Variants in MKLN1 observed in about 807,000 individuals in gnomAD.
MKLN1 encodes muskelin 1, also known as muskelin.
A neutral mutation model predicts 99.0 loss-of-function variants in MKLN1; 18 were observed. The ratio of observed to expected loss-of-function variants is 0.18; its 90% CI spans 0.13 to 0.27. The LOEUF (loss-of-function observed/expected upper bound fraction) is 0.27. MKLN1 is among the 10% of genes least tolerant of loss of function. MKLN1 has a pLI of 1.00. For synonymous variants in MKLN1, 288 were observed against 293.2 expected (o/e 0.98, Z 0.18); for missense variants, 621 against 875.9 (o/e 0.71, Z 3.67).
intron 2 of MKLN1, among the ~76,000 whole-genome samples, chr7:131,163,083 TA>T (rs1377668598): frequency 3.3e-5 from 5 of 152,312 alleles, no homozygotes; most frequent in Non-Finnish European, 5.9e-5. Context: ...CCTATGATCA[TA>T]CAGCTGTGGC....
rs114674159 is a variant in MKLN1, at chr7:131,111,931, C to T, written c.-419+1724C>T. Among the ~76,000 whole-genome samples the T allele has an allele frequency of 1.1e-3, 172 of 152,354 alleles. 1 individual carries two copies. The highest frequency in any genetic ancestry group is 3.8e-3 in the African/African-American group (156 of 41,578). ...AGAACACAGTGTGACTACAAGGCTA[C>T]ACTACAAATAGGAAACCCCATCACT... is the stretch of plus-strand genomic sequence containing the variant. On this transcript the variant is annotated intron_variant, in intron 1 of 7. Transcript: ENST00000416992.
rs151111784 is a variant in MKLN1, at chr7:131,253,805, G to A, written c.-179+50831G>A. On this transcript the variant is annotated intron_variant, in intron 3 of 7. Coordinates refer to the MKLN1 transcript ENST00000416992. ...GCTACAGAGAGTTCTTATAAACAAC[G>A]GAGAATTTAATGAAAAGCAAGTAAG... 2.0e-4 allele frequency among the ~76,000 whole-genome samples: 30 copies of A among 152,302 alleles called. 1 individual carries two copies. Among genetic ancestry groups the A allele is most frequent in the East Asian group, 5.8e-4 (3 of 5,186 alleles).
chr7:131,252,261 C>CCA (rs991571376), intron 3 of MKLN1, among the ~76,000 whole-genome samples: 2 of 151,850 alleles, frequency 1.3e-5, no homozygotes, highest in African/African-American at 4.8e-5. Flanking sequence ...GAAAATTGCT[C>CCA]CACTATAAAC....
At chr7:131,244,472 C>A (rs1245054066) in intron 3 of MKLN1, among the ~76,000 whole-genome samples, 2 of 152,108 alleles carry the variant, frequency 1.3e-5, no homozygotes, top group African/African-American at 4.8e-5. Context: ...TGAGTCAGCC[C>A]GTGACTCACC....
chr7:131,414,187 T>G (rs1038901415), intron 7 of MKLN1, among the ~76,000 whole-genome samples: 1 of 152,220 alleles, frequency 6.6e-6, no homozygotes, highest in Non-Finnish European at 1.5e-5. Flanking sequence ...ATCATTAATA[T>G]AAAACTTGAT....
intron 3 of MKLN1, among the ~76,000 whole-genome samples, chr7:131,213,856 T>C (rs1442316567): frequency 6.6e-6 from 1 of 152,230 alleles, no homozygotes; most frequent in East Asian, 1.9e-4. Flanking sequence ...TACTAACACA[T>C]GGATGGTTTT....
intron 3 of MKLN1, among the ~76,000 whole-genome samples, chr7:131,235,176 C>G (rs1797300895): frequency 6.6e-6 from 1 of 152,054 alleles, no homozygotes; most frequent in African/African-American, 2.4e-5. Flanking sequence ...CAATCATTCT[C>G]TCTCTTTCAC....
intron 3 of MKLN1, 142 bp from the exon 4 acceptor site, chr7:131,388,742 T>A: frequency 1.8e-6 from 1 of 549,088 alleles, no homozygotes; most frequent in Non-Finnish European, 3.2e-6. Context: ...TATGCCCATG[T>A]TCAACTACTT....
chr7:131,160,446 C>G (rs1182399538), intron 2 of MKLN1, among the ~76,000 whole-genome samples: 1 of 150,366 alleles, frequency 6.7e-6, no homozygotes, highest in Non-Finnish European at 1.5e-5. Flanking sequence ...GAGAATTATT[C>G]AGTTGTAAGG....
chr7:131,440,986 G>T (rs556602879), intron 10 of MKLN1, among the ~76,000 whole-genome samples: 1 of 152,166 alleles, frequency 6.6e-6, no homozygotes, highest in East Asian at 1.9e-4. Context: ...ACTGGTATCA[G>T]ATTTCTCTAC....
chr7:131,372,102 T>G (rs1004765684), intron 1 of MKLN1, among the ~76,000 whole-genome samples: 2 of 152,020 alleles, frequency 1.3e-5, no homozygotes, highest in Non-Finnish European at 2.9e-5. Context: ...AGGAACTACC[T>G]CACTTCCATG....
At chr7:131,278,619 CT>C (rs550531556) in intron 3 of MKLN1, among the ~76,000 whole-genome samples, 54 of 146,388 alleles carry the variant, frequency 3.7e-4, no homozygotes, top group Admixed American at 6.2e-4. Flanking sequence ...CTACTATGAA[CT>C]TTTTTTTTTT....
At chr7:131,126,508 T>C (rs1309619876) in intron 1 of MKLN1, among the ~76,000 whole-genome samples, 1 of 152,174 alleles carries the variant, frequency 6.6e-6, no homozygotes, top group Non-Finnish European at 1.5e-5. Context: ...GCGGTGTTTT[T>C]TGGGAGGGCT....
At position 131,287,052 on chromosome 7, in the gene MKLN1, C is replaced by T. The variant is rs542953014; in HGVS notation, c.-179+84078C>T. On this transcript the variant is annotated intron_variant, in intron 3 of 7. Coordinates refer to the MKLN1 transcript ENST00000416992. The stretch of plus-strand genomic sequence containing the variant: ...TAAAGATTGAGGCTGCAGTGAGCCA[C>T]AATCGTGCCATTGCACTCCAATCTG... Among the ~76,000 whole-genome samples the T allele has an allele frequency of 1.3e-3, 191 of 152,286 alleles. No individual in the cohort carries two copies. The Middle Eastern group carries it at 0.014, about 11-fold the overall frequency.
At chr7:131,234,066 A>C (rs1158868181) in intron 3 of MKLN1, among the ~76,000 whole-genome samples, 1 of 151,894 alleles carries the variant, frequency 6.6e-6, no homozygotes, top group Non-Finnish European at 1.5e-5. Context: ...TGCAACCTCC[A>C]CTTCCCGGGT....
In MKLN1 at chr7:131,397,256, T is replaced by C. The variant is rs1193998889; in HGVS notation, c.401-11T>C. The C allele has an allele frequency of 6.5e-7, 1 of 1,548,520 alleles. No homozygotes were observed. The highest frequency in any genetic ancestry group is 1.1e-5 in the South Asian group (1 of 86,966). ...TATTTTTCTTCTTCTTTTTGTTTTT[T>C]CTCCTTAAAGTTCCACTCTTGTCCT... On this transcript the variant is annotated splice_polypyrimidine_tract_variant and intron_variant, in intron 4 of 17. Transcript: ENST00000352689.
chr7:131,174,502 T>C (rs2116341987), intron 2 of MKLN1, among the ~76,000 whole-genome samples: 1 of 152,300 alleles, frequency 6.6e-6, no homozygotes, highest in South Asian at 2.1e-4. Flanking sequence ...TCAGAACCCG[T>C]TTTCTCTTCT....
upstream of MKLN1, among the ~76,000 whole-genome samples, chr7:131,325,855 G>C (rs1242241372): frequency 1.3e-5 from 2 of 150,116 alleles, no homozygotes; most frequent in Admixed American, 1.3e-4. Flanking sequence ...AACAAATTCA[G>C]TGTGCTAGTT....
At chr7:131,405,216 A>G (rs1472052824) in intron 6 of MKLN1, among the ~76,000 whole-genome samples, 1 of 151,850 alleles carries the variant, frequency 6.6e-6, no homozygotes. Flanking sequence ...TTTGTTACTT[A>G]TCTTGAATAT....
Sources: allele counts gnomAD v4.1 joint callset (sites outside exome capture counted in the v4.1 genomes callset), GRCh38; gene constraint gnomAD v4.1.1; transcripts MANE v1.5; gene names NCBI Gene and HGNC (gene_info 2026-07-23, HGNC 2026-07-21).